The following USP12 variants were observed in gnomAD, a reference collection of about 807,000 sequenced individuals.
USP12 encodes the protein ubiquitin specific peptidase 12.
A neutral mutation model predicts 45.5 loss-of-function variants in USP12; 19 were observed. The observed-to-expected ratio is 0.42, with a 90% CI of 0.29 to 0.61. The LOEUF is 0.61. Ranked by LOEUF, USP12 falls within the 20% of genes least tolerant of loss-of-function variation. USP12 has a pLI of 0.22. For missense variants in USP12, 242 were observed against 447.7 expected (o/e 0.54, Z 4.15); for synonymous variants, 149 against 148.8 (o/e 1.00, Z -0.01).
At position 27,076,706 on chromosome 13, in the gene USP12, T is replaced by G. The variant is rs573505441; in HGVS notation, c.735-1318A>C. On this transcript the variant is annotated intron_variant, in intron 6 of 8. Transcript: ENST00000282344. ...GTGAAGCAAAATACTCCTCACAATT[T>G]AAAGAAGTGATATATGGTAAGCCAC... Among the ~76,000 whole-genome samples, 6 of 152,180 alleles carry G rather than the reference T, an allele frequency of 3.9e-5. No individual in the cohort carries two copies. The East Asian group carries it at 1.2e-3, about 29-fold the overall frequency.
At chr13:27,153,512 A>G (rs1161321320) in intron 1 of USP12, among the ~76,000 whole-genome samples, 1 of 152,226 alleles carries the variant, frequency 6.6e-6, no homozygotes, top group African/African-American at 2.4e-5. Flanking sequence ...ACAAGAGTGG[A>G]AACGTCACTT....
chr13:27,170,488 C>T (rs1364946596), intron 1 of USP12, among the ~76,000 whole-genome samples: 1 of 152,144 alleles, frequency 6.6e-6, no homozygotes, highest in African/African-American at 2.4e-5. Context: ...CAAAGAACAA[C>T]TTTTTTCGGT....
In USP12 at chr13:27,129,632, GGAGTTC is replaced by G. The variant is rs1222475193; in HGVS notation, c.49-13042_49-13037del. ...TGAGGCAGGAGGATCATTAAGCCCA[GGAGTTC>G]GAGGCTGCAGTGAACTATGACCTGG... On this transcript the variant is annotated intron_variant, in intron 1 of 8. Transcript: ENST00000282344. This position sits in a 1 kb window ranked among gnomAD's most constrained non-coding sequence, Gnocchi z 4.0. Among the ~76,000 whole-genome samples, 1 of 152,134 alleles carries G rather than the reference GGAGTTC, an allele frequency of 6.6e-6. No homozygotes were observed. The highest frequency in any genetic ancestry group is 1.9e-4 in the East Asian group (1 of 5,202).
chr13:27,095,958 A>G, intron 3 of USP12, 128 bp from the exon 4 acceptor site: 7 of 619,156 alleles, frequency 1.1e-5, no homozygotes, highest in Non-Finnish European at 1.8e-5. Flanking sequence ...TTTGTAATGT[A>G]TAACAAATAA....
chr13:27,080,250 G>A (rs1873687946), intron 6 of USP12, among the ~76,000 whole-genome samples: 2 of 152,136 alleles, frequency 1.3e-5, no homozygotes, highest in African/African-American at 4.8e-5. Flanking sequence ...GCCAACAGGT[G>A]GTTGCAGATG....
intron 1 of USP12, among the ~76,000 whole-genome samples, chr13:27,170,714 C>G (rs1177836397): frequency 1.3e-5 from 2 of 152,224 alleles, no homozygotes; most frequent in Non-Finnish European, 2.9e-5. Context: ...ATACCATCGC[C>G]TTGGCAGGCG....
chr13:27,132,176 C>T (rs1181149710), intron 1 of USP12, among the ~76,000 whole-genome samples: 1 of 152,198 alleles, frequency 6.6e-6, no homozygotes, highest in Non-Finnish European at 1.5e-5. Context: ...GGGATTATAA[C>T]ATTTACATTA....
chr13:27,075,474 CAGAT>C, intron 6 of USP12, 86 bp from the exon 7 acceptor site: 1 of 1,226,146 alleles, frequency 8.2e-7, no homozygotes, highest in Non-Finnish European at 1.1e-6. Context: ...ATCCAATGAA[CAGAT>C]AGACAATGGT....
intron 1 of USP12, among the ~76,000 whole-genome samples, chr13:27,121,171 G>A (rs1424490206): frequency 1.3e-5 from 2 of 152,248 alleles, no homozygotes; most frequent in East Asian, 3.9e-4. Flanking sequence ...GAAACAGCAA[G>A]ATAACTTGCT....
intron 6 of USP12, among the ~76,000 whole-genome samples, chr13:27,076,915 CA>C (rs1477208274): frequency 6.6e-6 from 1 of 152,076 alleles, no homozygotes; most frequent in African/African-American, 2.4e-5. Flanking sequence ...AGCAATCCAC[CA>C]ATATAAATTA....
intron 1 of USP12, among the ~76,000 whole-genome samples, chr13:27,169,555 G>A (rs1428136366): frequency 6.6e-6 from 1 of 152,040 alleles, no homozygotes; most frequent in African/African-American, 2.4e-5. Flanking sequence ...CCTTTGGAAC[G>A]ATCTCATTTG....
chr13:27,112,916 CATA>C lies in USP12; in HGVS notation c.129+3597_129+3599del, dbSNP rs1286427274. ...TTTGGAGACTACTAGTTTTAACCAC[CATA>C]ATGTCAATAGCATTACTTTGTTTAA... On this transcript the variant is annotated intron_variant, in intron 2 of 8. Transcript: ENST00000282344. 3.3e-5 allele frequency among the ~76,000 whole-genome samples: 5 copies of C among 152,264 alleles called. No individual in the cohort carries two copies. In the South Asian group the frequency reaches 1.0e-3, roughly 32 times the overall value.
intron 1 of USP12, among the ~76,000 whole-genome samples, chr13:27,168,203 G>A (rs1317772063): frequency 6.6e-6 from 1 of 152,176 alleles, no homozygotes; most frequent in African/African-American, 2.4e-5. Flanking sequence ...TGGGCAAGCA[G>A]CCAGGCCAGT....
chr13:27,113,010 G>A (rs1215559138), intron 2 of USP12, among the ~76,000 whole-genome samples: 1 of 152,192 alleles, frequency 6.6e-6, no homozygotes, highest in Non-Finnish European at 1.5e-5. Flanking sequence ...GAGGCAGGAG[G>A]ATCGCTTGAG....
chr13:27,148,362 G>A (rs796662071), intron 1 of USP12, among the ~76,000 whole-genome samples: 22 of 125,288 alleles, frequency 1.8e-4, no homozygotes, highest in African/African-American at 5.3e-4. Flanking sequence ...GATTTAAAAA[G>A]CAACTGTATA....
At chr13:27,091,821 T>C (rs1874330311) in intron 4 of USP12, among the ~76,000 whole-genome samples, 1 of 152,186 alleles carries the variant, frequency 6.6e-6, no homozygotes, top group Admixed American at 6.5e-5. Context: ...GAAAAGGGTG[T>C]TATAGACACC....
intron 3 of USP12, among the ~76,000 whole-genome samples, chr13:27,097,313 AAAT>A (rs1021250420): frequency 3.9e-5 from 6 of 152,310 alleles, no homozygotes; most frequent in Admixed American, 3.3e-4. Flanking sequence ...TAAATACAAA[AAAT>A]TCACTGGGCA....
Position 27,090,092 on chromosome 13 carries a change from G to A in USP12, c.640C>T (p.His214Tyr), listed in dbSNP as rs1268952461. The A allele has an allele frequency of 6.3e-7, 1 of 1,578,298 alleles. No individual in the cohort carries two copies. Among genetic ancestry groups the A allele is most frequent in the Admixed American group, 1.7e-5 (1 of 59,716 alleles). Residue 214 changes from histidine to tyrosine, a missense_variant, in exon 5 of 9, where the codon CAC (histidine) becomes TAC (tyrosine). Physicochemically the swap from His to Tyr is moderately conservative, Grantham distance 83 (BLOSUM62 2). This residue lies in a region of USP12 where 12 missense variants were observed against 71.0 expected (regional missense o/e 0.17). Transcript: ENST00000282344. ...TAATTCTACATATACCTTAAGCAGT[G>A]AGTAATTGATGTATTTTGTTCCACG... ...VDVEQNTSIT[H>Y]CLRGFSNTET... is the part of the protein sequence containing the mutation.
chr13:27,133,254 TTC>T (rs1381482773), intron 1 of USP12, among the ~76,000 whole-genome samples: 1 of 152,218 alleles, frequency 6.6e-6, no homozygotes, highest in Non-Finnish European at 1.5e-5. Context: ...CATGACATCT[TTC>T]TGTTATTTCT....
Sources: gnomAD v4.1 joint callset for allele counts (sites outside exome capture counted in the v4.1 genomes callset) on GRCh38, gnomAD v4.1.1 for gene constraint, gnomAD v4.1.1 regional missense constraint, Gnocchi (gnomAD v3.1) non-coding constraint, MANE v1.5 for transcripts, NCBI Gene and HGNC (gene_info 2026-07-23, HGNC 2026-07-21) for gene names.